Variants in NRG3 observed in about 807,000 individuals in gnomAD.
NRG3 encodes neuregulin 3, also known as pro-neuregulin-3, membrane-bound isoform.
Under a neutral mutation model 66.9 loss-of-function variants are expected in NRG3, and 31 were observed. That is an observed-to-expected ratio of 0.46 (90% CI 0.35 to 0.63). NRG3 has a LOEUF of 0.63. Ranked by LOEUF, NRG3 falls within the 20% of genes least tolerant of loss-of-function variation. The probability of loss-of-function intolerance (pLI) is 0.00; values close to 1 mark genes in which losing one functional copy is unlikely to be tolerated. For missense variants in NRG3, 910 were observed against 878.9 expected, an observed-to-expected ratio of 1.04 and a Z score of -0.45; for synonymous variants, 393 against 359.4, an observed-to-expected ratio of 1.09 and a Z score of -1.06.
intron 3 of NRG3, among the ~76,000 whole-genome samples, chr10:82,758,534 A>C (rs1591431268): frequency 6.6e-6 from 1 of 152,076 alleles, no homozygotes; most frequent in Non-Finnish European, 1.5e-5. Flanking sequence ...ATATGATAAG[A>C]CTCAATTTCC....
At chr10:82,234,172 T>C (rs1478803615) in intron 1 of NRG3, among the ~76,000 whole-genome samples, 1 of 152,218 alleles carries the variant, frequency 6.6e-6, no homozygotes, top group African/African-American at 2.4e-5. Flanking sequence ...TTCACTTCTC[T>C]GGTTTTTCCA....
intron 1 of NRG3, among the ~76,000 whole-genome samples, chr10:82,236,859 A>G (rs1007714041): frequency 2.7e-4 from 41 of 151,428 alleles, no homozygotes; most frequent in African/African-American, 9.7e-4. Context: ...GGGACTACAG[A>G]CGCCCACCAC....
At chr10:82,878,033 G>A (rs936814794) in intron 4 of NRG3, among the ~76,000 whole-genome samples, 1 of 152,174 alleles carries the variant, frequency 6.6e-6, no homozygotes, top group African/African-American at 2.4e-5. Flanking sequence ...GATAAAGGGA[G>A]ACAGAGGAAG....
At chr10:82,537,169 C>T (rs901526891) in intron 2 of NRG3, among the ~76,000 whole-genome samples, 7 of 151,914 alleles carry the variant, frequency 4.6e-5, no homozygotes, top group South Asian at 2.1e-4. Flanking sequence ...GTAAGCTACA[C>T]TTGCAATTAA....
intron 1 of NRG3, among the ~76,000 whole-genome samples, chr10:82,345,758 T>C (rs1156801655): frequency 6.6e-6 from 1 of 151,504 alleles, no homozygotes; most frequent in Non-Finnish European, 1.5e-5. Context: ...GGTTTGTAGT[T>C]ATCCTTGAAG....
chr10:82,980,480 C>T lies in NRG3; in HGVS notation c.1583+1360C>T, dbSNP rs146118241. ...CTCTGTTTTTATCTCTCTGAACGAGCCAAGCCAGGTTTCTATGCTGCTTTG... is the reference window on the plus strand; with the variant it reads ...CTCTGTTTTTATCTCTCTGAACGAGTCAAGCCAGGTTTCTATGCTGCTTTG... On this transcript the variant is annotated intron_variant, in intron 8 of 8. Transcript: ENST00000372141. 3.7e-3 allele frequency among the ~76,000 whole-genome samples: 570 copies of T among 152,258 alleles called. 16 individuals are homozygous for T. Among genetic ancestry groups the T allele is most frequent in the Admixed American group, 0.028 (430 of 15,294 alleles).
chr10:82,303,336 A>AACACACACACACACAC (rs144860357), intron 1 of NRG3, among the ~76,000 whole-genome samples: 3,916 of 149,304 alleles, frequency 0.026, 174 homozygotes, highest in African/African-American at 0.089. Context: ...TGCGTGTATA[A>AACACACACACACACAC]ACACACACAC....
At chr10:82,103,074 A>G (rs1183062142) in intron 1 of NRG3, among the ~76,000 whole-genome samples, 1 of 151,934 alleles carries the variant, frequency 6.6e-6, no homozygotes, top group Non-Finnish European at 1.5e-5. Flanking sequence ...GAATATCTTT[A>G]TTTTATCTTC....
At chr10:82,454,849 A>T (rs986842190) in intron 2 of NRG3, among the ~76,000 whole-genome samples, 1 of 152,258 alleles carries the variant, frequency 6.6e-6, no homozygotes, top group Admixed American at 6.5e-5. Flanking sequence ...TACATCAAAA[A>T]GCATATTAAA....
intron 1 of NRG3, among the ~76,000 whole-genome samples, chr10:82,187,502 G>C (rs1386647439): frequency 6.6e-6 from 1 of 152,148 alleles, no homozygotes; most frequent in African/African-American, 2.4e-5. Flanking sequence ...CTAAGCAAAA[G>C]TTTTCATTAT....
chr10:82,358,496 A>C (rs1402692111), intron 1 of NRG3, among the ~76,000 whole-genome samples: 1 of 152,196 alleles, frequency 6.6e-6, no homozygotes, highest in Non-Finnish European at 1.5e-5. Flanking sequence ...CTTGTCCACA[A>C]ATGGGGCTTC....
chr10:81,965,828 TAAAG>T lies in NRG3; in HGVS notation c.823+89667_823+89670del, dbSNP rs567281069. Among the ~76,000 whole-genome samples, 11 of 152,268 alleles carry T rather than the reference TAAAG, an allele frequency of 7.2e-5. No individual in the cohort carries two copies. In the South Asian group the frequency reaches 2.3e-3, roughly 32 times the overall value. On this transcript the variant is annotated intron_variant, in intron 1 of 8. Transcript: ENST00000372141. ...AGTCTTTGATATTCTAAGACAAAAA[TAAAG>T]ACAGTTTTGTTTCTTTCTTCTAATC...
intron 1 of NRG3, among the ~76,000 whole-genome samples, chr10:82,034,483 A>G (rs2062707506): frequency 6.6e-6 from 1 of 152,136 alleles, no homozygotes; most frequent in South Asian, 2.1e-4. Flanking sequence ...CAATTTCTAT[A>G]TGCATGACCT....
intron 3 of NRG3, among the ~76,000 whole-genome samples, chr10:82,760,990 G>GA (rs1379622344): frequency 4.7e-5 from 7 of 150,420 alleles, no homozygotes; most frequent in East Asian, 2.0e-4. Context: ...CTTAGAACTA[G>GA]AAAAAAAAAT....
chr10:82,659,848 T>C (rs1281870974), intron 2 of NRG3, among the ~76,000 whole-genome samples: 1 of 152,008 alleles, frequency 6.6e-6, no homozygotes, highest in Non-Finnish European at 1.5e-5. Context: ...CTGTTGGGAC[T>C]GGTAGCACTG....
chr10:82,546,565 C>G (rs1424257065), intron 2 of NRG3, among the ~76,000 whole-genome samples: 1 of 152,014 alleles, frequency 6.6e-6, no homozygotes, highest in Non-Finnish European at 1.5e-5. Context: ...ATGCTCTAAT[C>G]CTGTGATAAT....
At chr10:82,401,582 C>T (rs17100037) in intron 2 of NRG3, among the ~76,000 whole-genome samples, 6 of 151,946 alleles carry the variant, frequency 3.9e-5, no homozygotes, top group East Asian at 1.9e-4. Flanking sequence ...GAGGGGCACC[C>T]GGATATAGGA....
chr10:82,634,134 G>C (rs1457107012), intron 2 of NRG3, among the ~76,000 whole-genome samples: 3 of 152,146 alleles, frequency 2.0e-5, no homozygotes, highest in Non-Finnish European at 4.4e-5. Context: ...GAAGTGTTCA[G>C]GTGAATCCTC....
chr10:81,877,710 C>T, intron 1 of NRG3: 7 of 1,322,902 alleles, frequency 5.3e-6, no homozygotes, highest in Non-Finnish European at 6.7e-6. Context: ...AGGAAGGAAT[C>T]TGCCACAAAC....
Sources: allele counts gnomAD v4.1 joint callset (sites outside exome capture counted in the v4.1 genomes callset), GRCh38; gene constraint gnomAD v4.1.1; transcripts MANE v1.5; gene names NCBI Gene and HGNC (gene_info 2026-07-23, HGNC 2026-07-21).